FASTKD2: variants seen among roughly 807,000 people sequenced by gnomAD.
FASTKD2 encodes the protein FAST kinase domains 2.
A neutral mutation model predicts 63.6 loss-of-function variants in FASTKD2; 51 were observed. The observed-to-expected ratio is 0.80, with a 90% CI of 0.64 to 1.01. FASTKD2 has a LOEUF of 1.01. Among genes scored for constraint, FASTKD2 ranks in the 50% least tolerant of loss-of-function variants. FASTKD2 has a pLI of 0.00. For synonymous variants in FASTKD2, 284 were observed against 293.4 expected (o/e 0.97, Z 0.33); for missense variants, 786 against 831.1 (o/e 0.95, Z 0.67).
chr2:206,775,311 G>T (rs934611710), intron 7 of FASTKD2, among the ~76,000 whole-genome samples: 1 of 145,628 alleles, frequency 6.9e-6, no homozygotes, highest in Non-Finnish European at 1.5e-5. Context: ...TTTACTAAGG[G>T]TTCTACTTTT....
intron 1 of FASTKD2, among the ~76,000 whole-genome samples, chr2:206,766,259 CAAAAAAA>C (rs60933510): frequency 7.1e-5 from 4 of 55,978 alleles, no homozygotes; most frequent in Non-Finnish European, 1.4e-4. Context: ...GACTTTGTCT[CAAAAAAA>C]AAAAAAAAAA....
In FASTKD2 at chr2:206,774,408, G is replaced by GT. The variant is rs371981683; in HGVS notation, c.1427+20dup. The GT allele has an allele frequency of 1.0e-3, 1,600 of 1,525,040 alleles. No homozygotes were observed. The highest frequency in any genetic ancestry group is 1.3e-3 in the Non-Finnish European group (1,400 of 1,109,562). 94.5% of individuals were successfully genotyped at this position (1,525,040 alleles called of 1,614,324 possible). A position where few individuals can be genotyped will look rare whatever the true frequency, so the allele number is the denominator to read the frequency against. Reference sequence around the variant, plus strand: ...ATGCCAGAACAAAGAGTATGTACTTGTTTTTTTTTACCTTTTTTATTGCCA... The same window carrying GT: ...ATGCCAGAACAAAGAGTATGTACTTGTTTTTTTTTTACCTTTTTTATTGCCA... On this transcript the variant is annotated intron_variant, in intron 7 of 11. Coordinates refer to ENST00000402774, the MANE Select transcript of FASTKD2 (RefSeq NM_001136193.2).
chr2:206,776,141 A>T (rs571756226), intron 7 of FASTKD2, among the ~76,000 whole-genome samples: 1 of 151,144 alleles, frequency 6.6e-6, no homozygotes, highest in Non-Finnish European at 1.5e-5. Flanking sequence ...TATATATATA[A>T]TATATATATT....
chr2:206,778,382 C>T (rs1248572517), intron 7 of FASTKD2, among the ~76,000 whole-genome samples: 3 of 151,526 alleles, frequency 2.0e-5, no homozygotes, highest in African/African-American at 7.3e-5. Context: ...TTCTAATTTC[C>T]CTTTTGATTT....
At chr2:206,784,844 T>C (rs1427498847) in intron 7 of FASTKD2, among the ~76,000 whole-genome samples, 2 of 152,244 alleles carry the variant, frequency 1.3e-5, no homozygotes, top group Non-Finnish European at 2.9e-5. Flanking sequence ...GAAAGATGAA[T>C]AAGACAGTCC....
intron 4 of FASTKD2, 34 bp downstream of exon 4, chr2:206,771,324 T>C (rs78043427): frequency 7.7e-7 from 1 of 1,299,084 alleles, no homozygotes; most frequent in Non-Finnish European, 1.1e-6. Context: ...TGGATGAGAT[T>C]TGAAAAAATC....
chr2:206,788,116 T>C lies in FASTKD2; in HGVS notation c.1774T>C (p.Phe592Leu), dbSNP rs1480390633. Residue 592 changes from phenylalanine to leucine, a missense_variant, in exon 9 of 12, where the codon TTC becomes CTC. Coordinates refer to ENST00000402774, the MANE Select transcript of FASTKD2 (RefSeq NM_001136193.2). ...CAGCCTTCTGGGAGGTGAAGGACAC[T>C]TCTCAAAGGATGTGCACTTGCCACA... Reference protein sequence around the residue: ...LSSLLGGEGHFSKDVHLPHNY... With the variant: ...LSSLLGGEGHLSKDVHLPHNY... The C allele has an allele frequency of 1.2e-6, 2 of 1,611,620 alleles. No homozygotes were observed. Among genetic ancestry groups the C allele is most frequent in the South Asian group, 2.2e-5 (2 of 90,788 alleles).
rs747905505 is a variant in FASTKD2 at position 206,770,047 on chromosome 2, A to G, written c.778-44A>G. Reference sequence around the variant, plus strand: ...TTTTGCTTGGGTAAGATAGTTTACTATGGGCTCATCACCTGTAGTGTTTTT... The same window carrying G: ...TTTTGCTTGGGTAAGATAGTTTACTGTGGGCTCATCACCTGTAGTGTTTTT... On this transcript the variant is annotated intron_variant, in intron 2 of 11. Transcript: ENST00000402774. 5.6e-6 allele frequency: 7 copies of G among 1,243,884 alleles called. No individual in the cohort carries two copies. In the East Asian group the frequency reaches 9.3e-5, roughly 16 times the overall value. The allele number at this position is 1,243,884 out of a possible 1,614,324, so 77.1% of individuals were successfully genotyped here.
intron 7 of FASTKD2, among the ~76,000 whole-genome samples, chr2:206,780,974 A>G (rs755265378): frequency 6.6e-6 from 1 of 152,046 alleles, no homozygotes; most frequent in Non-Finnish European, 1.5e-5. Flanking sequence ...TAGTTTATCA[A>G]TTCTTTGTTG....
chr2:206,791,711 A>T lies in FASTKD2; in HGVS notation c.2042A>T (p.Glu681Val). ...AATAACTGGGAGATGGACAAACTAGAGATGGAAGATGCAGTCACATTTTTG... is the reference window on the plus strand; with the variant it reads ...AATAACTGGGAGATGGACAAACTAGTGATGGAAGATGCAGTCACATTTTTG... ...LVNNWEMDKL[E>V]MEDAVTFLKT... Residue 681 changes from glutamate (E) to valine (V), a missense_variant, in exon 12 of 12, where the codon GAG becomes GTG. Physicochemically the swap from Glu to Val is moderately radical, Grantham distance 121 (BLOSUM62 -2). Transcript: ENST00000402774. The T allele has an allele frequency of 6.2e-7, 1 of 1,612,192 alleles. No individual in the cohort carries two copies. Among genetic ancestry groups the T allele is most frequent in the Non-Finnish European group, 8.5e-7 (1 of 1,178,456 alleles).
intron 11 of FASTKD2, chr2:206,791,463 T>C (rs1319845125): frequency 4.6e-5 from 25 of 540,718 alleles, no homozygotes; most frequent in Non-Finnish European, 6.6e-6. Flanking sequence ...TTTTGCACCA[T>C]TTAGAGGACC....
At chr2:206,786,644 G>A (rs868779543) in intron 7 of FASTKD2, 89 bp from the exon 8 acceptor site, 2 of 1,144,148 alleles carry the variant, frequency 1.7e-6, no homozygotes, top group South Asian at 1.2e-5. Flanking sequence ...TTACTTGCAA[G>A]GCTGATTTTC....
intron 7 of FASTKD2, among the ~76,000 whole-genome samples, chr2:206,780,293 G>A (rs1287910806): frequency 6.6e-6 from 1 of 152,158 alleles, no homozygotes; most frequent in Non-Finnish European, 1.5e-5. Context: ...GAAAAGACTA[G>A]TAATGACAGT....
intron 1 of FASTKD2, among the ~76,000 whole-genome samples, 180 bp downstream of exon 1, chr2:206,765,927 C>T (rs1042140484): frequency 6.6e-6 from 1 of 151,974 alleles, no homozygotes. Flanking sequence ...TCTACCTGCC[C>T]AGGTCCCTAT....
intron 9 of FASTKD2, 65 bp downstream of exon 9, chr2:206,788,220 A>G: frequency 1.7e-6 from 2 of 1,161,804 alleles, no homozygotes; most frequent in South Asian, 2.7e-5. Context: ...TCTGACCAAA[A>G]AAATAGGTAT....
chr2:206,782,391 T>G (rs2105982072), intron 7 of FASTKD2, among the ~76,000 whole-genome samples: 1 of 152,390 alleles, frequency 6.6e-6, no homozygotes, highest in South Asian at 2.1e-4. Flanking sequence ...ATGTCCTTGC[T>G]AAATCAGTGT....
At chr2:206,770,067 G>A in intron 2 of FASTKD2, 24 bp from the exon 3 acceptor site, 1 of 1,455,394 alleles carries the variant, frequency 6.9e-7, no homozygotes, top group Non-Finnish European at 9.7e-7. Flanking sequence ...CACCTGTAGT[G>A]TTTTTGTAAT....
intron 2 of FASTKD2, among the ~76,000 whole-genome samples, chr2:206,767,913 G>T (rs1689569913): frequency 6.6e-6 from 1 of 152,246 alleles, no homozygotes; most frequent in African/African-American, 2.4e-5. Flanking sequence ...ATGCCCTACT[G>T]TTCCCAGAGG....
At chr2:206,768,471 C>T (rs1382695739) in intron 2 of FASTKD2, among the ~76,000 whole-genome samples, 2 of 152,156 alleles carry the variant, frequency 1.3e-5, no homozygotes, top group African/African-American at 2.4e-5. Flanking sequence ...GAGGCCAAGG[C>T]AGGAGGATCT....
Sources: gnomAD v4.1 joint callset for allele counts (sites outside exome capture counted in the v4.1 genomes callset) on GRCh38, gnomAD v4.1.1 for gene constraint, MANE v1.5 for transcripts, NCBI Gene and HGNC (gene_info 2026-07-23, HGNC 2026-07-21) for gene names.